TBX2: variants seen among roughly 807,000 people sequenced by gnomAD.
The protein encoded by TBX2 is T-box transcription factor TBX2.
In TBX2, 19 loss-of-function variants were observed where a neutral mutation model predicts 48.4. That is an observed-to-expected ratio of 0.39 (90% CI 0.27 to 0.58). TBX2 has a LOEUF of 0.58. Ranked by LOEUF, TBX2 falls within the 20% of genes least tolerant of loss-of-function variation. The probability of loss-of-function intolerance (pLI) is 0.54; values close to 1 mark genes in which losing one functional copy is unlikely to be tolerated. For synonymous variants in TBX2, 522 were observed against 459.7 expected (o/e 1.14, Z -1.73); for missense variants, 994 against 1,006.5 (o/e 0.99, Z 0.17).
At position 61,406,535 on chromosome 17, in the gene TBX2, G is replaced by A. The variant is rs868548247; in HGVS notation, c.1686+699G>A. Reference sequence around the variant, plus strand: ...TGGCTGGGGCACAGTAAGGAGATCCGATGGGGACAGTGGCCTCTTTGGTTG... The same window carrying A: ...TGGCTGGGGCACAGTAAGGAGATCCAATGGGGACAGTGGCCTCTTTGGTTG... On this transcript the variant is annotated intron_variant, in intron 6 of 6. Coordinates refer to ENST00000240328, the MANE Select transcript of TBX2 (RefSeq NM_005994.4). This position sits in a 1 kb window ranked among gnomAD's most constrained non-coding sequence, Gnocchi z 5.7. 2.6e-5 allele frequency: 4 copies of A among 152,192 alleles called. No individual in the cohort carries two copies. The highest frequency in any genetic ancestry group is 7.2e-5 in the African/African-American group (3 of 41,424). 9.4% of individuals were successfully genotyped at this position (152,192 alleles called of 1,614,324 possible). A position where few individuals can be genotyped will look rare whatever the true frequency, so the allele number is the denominator to read the frequency against.
chr17:61,401,697 C>T lies in TBX2; in HGVS notation c.409C>T (p.Pro137Ser), dbSNP rs778364019. The T allele has an allele frequency of 3.1e-6, 5 of 1,612,128 alleles. No individual in the cohort carries two copies. In the African/African-American group the frequency reaches 4.0e-5, roughly 13 times the overall value. Reference protein sequence around the residue: ...ITKSGRRMFPPFKVRVSGLDK... With the variant: ...ITKSGRRMFPSFKVRVSGLDK... ...CCTCCCTCCCAGGCGGATGTTCCCC[C>T]CCTTCAAGGTGCGAGTCAGCGGCCT... The change falls in exon 2 of 7, where the codon CCC becomes TCC. Residue 137 changes from proline (P) to serine (S), a missense_variant. Pro to Ser is a moderately conservative substitution (Grantham distance 74, BLOSUM62 -1). Transcript: ENST00000240328.
Position 61,400,096 on chromosome 17 carries a change from C to A in TBX2, c.-81C>A. On this transcript the variant is annotated 5_prime_UTR_variant, in exon 1 of 7. Transcript: ENST00000240328. The surrounding 1 kb of genome is among the most constrained non-coding windows in gnomAD (Gnocchi z 9.2). Reference sequence around the variant, plus strand: ...ACCCGGGTCGTCCGTCCACCGCGCGCGCCGCCGCCCGGGCCGGGGGTCCGA... The same window carrying A: ...ACCCGGGTCGTCCGTCCACCGCGCGAGCCGCCGCCCGGGCCGGGGGTCCGA... 2.5e-6 allele frequency: 2 copies of A among 800,942 alleles called. No individual in the cohort carries two copies. Among genetic ancestry groups the A allele is most frequent in the Non-Finnish European group, 3.0e-6 (2 of 664,042 alleles). 49.6% of individuals were successfully genotyped at this position (800,942 alleles called of 1,614,324 possible). A position where few individuals can be genotyped will look rare whatever the true frequency, so the allele number is the denominator to read the frequency against.
At chr17:61,402,045 G>A in intron 2 of TBX2, 94 bp downstream of exon 2, 1 of 1,490,286 alleles carries the variant, frequency 6.7e-7, no homozygotes, top group Non-Finnish European at 8.9e-7. Context: ...CTCCCAGGGG[G>A]AAGCGCTGGG....
At chr17:61,405,132 C>G (rs2060282568) in intron 5 of TBX2, 70 bp from the exon 6 acceptor site, 17 of 1,484,490 alleles carry the variant, frequency 1.1e-5, no homozygotes, top group Admixed American at 4.4e-5. Context: ...GCAGCCCTTC[C>G]CGAGTGTCCC....
rs541103803 is a variant in TBX2, at chr17:61,403,312, G to T, written c.810+105G>T. The stretch of plus-strand genomic sequence containing the variant: ...CCTCGAAGCCCCCTGCACGGGATCC[G>T]CGCTCTTGCGGCCCGCCCCCGAGCA... On this transcript the variant is annotated intron_variant, in intron 3 of 6. Transcript: ENST00000240328. This position sits in a 1 kb window ranked among gnomAD's most constrained non-coding sequence, Gnocchi z 5.8. The T allele has an allele frequency of 1.3e-6, 2 of 1,511,134 alleles. No individual in the cohort carries two copies. The highest frequency in any genetic ancestry group is 4.9e-5 in the East Asian group (2 of 40,962). 93.6% of individuals were successfully genotyped at this position (1,511,134 alleles called of 1,614,324 possible).
At position 61,404,689 on chromosome 17, in the gene TBX2, C is replaced by G. The variant is rs371433791; in HGVS notation, c.971C>G (p.Ser324Trp). Residue 324 changes from serine to tryptophan, a missense_variant, in exon 5 of 7, where the codon TCG becomes TGG. Ser to Trp is a radical substitution (Grantham distance 177). Transcript: ENST00000240328. ...GATGGCGCGGAGTCAGACGCCTCGT[C>G]GTGCGACCCTCCCCCCGCGCGGGAA... ...ERDGAESDAS[S>W]CDPPPAREPP... 5 of 1,579,070 alleles carry G rather than the reference C, an allele frequency of 3.2e-6. No individual in the cohort carries two copies. Among genetic ancestry groups the G allele is most frequent in the Non-Finnish European group, 3.4e-6 (4 of 1,162,868 alleles).
rs1343020157 is a variant in TBX2 at position 61,404,913 on chromosome 17, G to A, written c.1051+144G>A. On this transcript the variant is annotated intron_variant, in intron 5 of 6. Coordinates refer to ENST00000240328, the MANE Select transcript of TBX2 (RefSeq NM_005994.4). ...GTGTCTGGGATGGGGTTTCCGTCCC[G>A]GGACTCCCCTACGAGGGCGGTCCCC... The A allele has an allele frequency of 4.5e-6, 6 of 1,328,558 alleles. No homozygotes were observed. The African/African-American group carries it at 5.8e-5, about 13-fold the overall frequency. The allele number at this position is 1,328,558 out of a possible 1,614,324, so 82.3% of individuals were successfully genotyped here. A position where few individuals can be genotyped will look rare whatever the true frequency, so the allele number is the denominator to read the frequency against.
intron 2 of TBX2, 32 bp downstream of exon 2, chr17:61,401,983 G>A (rs772083900): frequency 7.7e-6 from 12 of 1,554,836 alleles, no homozygotes; most frequent in Non-Finnish European, 1.0e-5. Context: ...GGACGGTGCA[G>A]GAGCTTGTTG....
chr17:61,401,703 A>C lies in TBX2; in HGVS notation c.415A>C (p.Lys139Gln), dbSNP rs1450119103. 6.2e-6 allele frequency: 10 copies of C among 1,612,208 alleles called. No individual in the cohort carries two copies. The highest frequency in any genetic ancestry group is 2.7e-5 in the African/African-American group (2 of 74,862). The change falls in exon 2 of 7, where the codon AAG (lysine) becomes CAG (glutamine). Residue 139 changes from lysine to glutamine, a missense_variant. Physicochemically the swap from Lys to Gln is moderately conservative, Grantham distance 53 (BLOSUM62 1). This residue lies in a region of TBX2 where 153 missense variants were observed against 166.2 expected (regional missense o/e 0.92). Transcript: ENST00000240328. ...TCCCAGGCGGATGTTCCCCCCCTTC[A>C]AGGTGCGAGTCAGCGGCCTGGACAA... ...KSGRRMFPPF[K>Q]VRVSGLDKKA...
Position 61,408,079 on chromosome 17 carries a change from G to C in TBX2, c.1712G>C (p.Gly571Ala), listed in dbSNP as rs149083072. Residue 571 changes from glycine to alanine, a missense_variant, in exon 7 of 7, where the codon GGC becomes GCC. This residue lies in a region of TBX2 where 639 missense variants were observed against 613.2 expected (regional missense o/e 1.04). Transcript: ENST00000240328. ...SQGIPMPTFG[G>A]LFPYPYTYMA... is the part of the protein sequence containing the mutation. The stretch of plus-strand genomic sequence containing the variant: ...GGAATTCCAATGCCCACTTTCGGAG[G>C]CCTCTTCCCCTACCCCTACACCTAC... 5.9e-4 allele frequency: 934 copies of C among 1,593,758 alleles called. 5 individuals carry two copies. In the African/African-American group the frequency reaches 0.012, roughly 20 times the overall value.
At position 61,400,153 on chromosome 17, in the gene TBX2, C is replaced by T. The variant is rs1424788799; in HGVS notation, c.-24C>T. On this transcript the variant is annotated 5_prime_UTR_variant, in exon 1 of 7. Coordinates refer to ENST00000240328, the MANE Select transcript of TBX2 (RefSeq NM_005994.4). The surrounding 1 kb of genome is among the most constrained non-coding windows in gnomAD (Gnocchi z 9.2). ...CGCCCCCGGCCCCGGCCCCGGCCCC[C>T]GGGCGCCTGGGCCGGATGTCCCGAT... The T allele has an allele frequency of 1.6e-5, 16 of 1,004,162 alleles. No homozygotes were observed. The highest frequency in any genetic ancestry group is 1.8e-5 in the Non-Finnish European group (15 of 840,936). 62.2% of individuals were successfully genotyped at this position (1,004,162 alleles called of 1,614,324 possible). A position where few individuals can be genotyped will look rare whatever the true frequency, so the allele number is the denominator to read the frequency against.
At position 61,400,243 on chromosome 17, in the gene TBX2, G is replaced by T. The variant is rs2060258422; in HGVS notation, c.67G>T (p.Asp23Tyr). The change falls in exon 1 of 7, where the codon GAC (aspartate) becomes TAC (tyrosine). Residue 23 changes from aspartate (D) to tyrosine (Y), a missense_variant. Asp to Tyr is a radical substitution (Grantham distance 160). Coordinates refer to ENST00000240328, the MANE Select transcript of TBX2 (RefSeq NM_005994.4). The surrounding 1 kb of genome is among the most constrained non-coding windows in gnomAD (Gnocchi z 9.2). ...CCCGTTCCACGCGCCACGGCCCGCC[G>T]ACTTCCCCATGTCCGCCTTTCTGGC... The part of the protein sequence containing the change: ...YHPFHAPRPA[D>Y]FPMSAFLAAA... 2 of 1,214,332 alleles carry T rather than the reference G, an allele frequency of 1.6e-6. No individual in the cohort carries two copies. The highest frequency in any genetic ancestry group is 1.1e-6 in the Non-Finnish European group (1 of 951,814). The allele number at this position is 1,214,332 out of a possible 1,614,324, so 75.2% of individuals were successfully genotyped here. A position where few individuals can be genotyped will look rare whatever the true frequency, so the allele number is the denominator to read the frequency against.
Position 61,405,836 on chromosome 17 carries a change from G to C in TBX2, c.1686G>C (p.Gln562His). Reference protein sequence around the residue: ...FHLSQHMLASQGIPMPTFGGL... With the variant: ...FHLSQHMLASHGIPMPTFGGL... ...TCTCCCAGCACATGCTGGCATCTCA[G>C]GTAAGGCCTGTGACCCCGCGGCAGC... The change falls in exon 6 of 7, where the codon CAG (glutamine) becomes CAC (histidine). Residue 562 changes from glutamine to histidine, a missense_variant and splice_region_variant. Gln to His is a conservative substitution (Grantham distance 24, BLOSUM62 0). Coordinates refer to ENST00000240328, the MANE Select transcript of TBX2 (RefSeq NM_005994.4). 1 of 1,310,118 alleles carries C rather than the reference G, an allele frequency of 7.6e-7. No individual in the cohort carries two copies. Among genetic ancestry groups the C allele is most frequent in the Non-Finnish European group, 9.7e-7 (1 of 1,035,964 alleles). The allele number at this position is 1,310,118 out of a possible 1,614,324, so 81.2% of individuals were successfully genotyped here. A position where few individuals can be genotyped will look rare whatever the true frequency, so the allele number is the denominator to read the frequency against.
chr17:61,408,072 T>G lies in TBX2; in HGVS notation c.1705T>G (p.Phe569Val). The G allele has an allele frequency of 6.3e-7, 1 of 1,589,424 alleles. No individual in the cohort carries two copies. Among genetic ancestry groups the G allele is most frequent in the South Asian group, 1.1e-5 (1 of 88,254 alleles). The stretch of plus-strand genomic sequence containing the variant: ...CTTCCAGGGAATTCCAATGCCCACT[T>G]TCGGAGGCCTCTTCCCCTACCCCTA... The part of the protein sequence containing the change: ...LASQGIPMPT[F>V]GGLFPYPYTY... Residue 569 changes from phenylalanine (F) to valine (V), a missense_variant, in exon 7 of 7, where the codon TTC (phenylalanine) becomes GTC (valine). Physicochemically the swap from Phe to Val is conservative, Grantham distance 50 (BLOSUM62 -1). Around this residue, in one of 5 missense-constraint regions of TBX2, gnomAD observed 639 missense variants for 613.2 expected, o/e 1.04. Transcript: ENST00000240328.
rs2060282908 is a variant in TBX2 at position 61,405,195 on chromosome 17, C to T, written c.1052-7C>T. ...GCCCCTGTAATCCGCGCGCCCTCTC[C>T]CCGCAGCTGAGGAGAAGTCGTGCGC... On this transcript the variant is annotated splice_polypyrimidine_tract_variant and splice_region_variant and intron_variant, in intron 5 of 6. Transcript: ENST00000240328. 2 of 1,504,150 alleles carry T rather than the reference C, an allele frequency of 1.3e-6. No individual in the cohort carries two copies. The highest frequency in any genetic ancestry group is 1.7e-4 in the Middle Eastern group (1 of 5,778). The allele number at this position is 1,504,150 out of a possible 1,614,324, so 93.2% of individuals were successfully genotyped here.
At position 61,403,586 on chromosome 17, in the gene TBX2, G is replaced by C; in HGVS notation, c.810+379G>C. On this transcript the variant is annotated intron_variant, in intron 3 of 6. Coordinates refer to ENST00000240328, the MANE Select transcript of TBX2 (RefSeq NM_005994.4). The surrounding 1 kb of genome is among the most constrained non-coding windows in gnomAD (Gnocchi z 5.8). Reference sequence around the variant, plus strand: ...AGGGCGCCCGAGGCAATCTGCCCAGGCTCTACCGATGCTCAGAACCCGGGG... The same window carrying C: ...AGGGCGCCCGAGGCAATCTGCCCAGCCTCTACCGATGCTCAGAACCCGGGG... 6.6e-6 allele frequency among the ~76,000 whole-genome samples: 1 copy of C among 152,006 alleles called. No individual in the cohort carries two copies. The highest frequency in any genetic ancestry group is 2.4e-5 in the African/African-American group (1 of 41,384).
In TBX2 at chr17:61,403,140, G is replaced by A. The variant is rs1167768748; in HGVS notation, c.743G>A (p.Ser248Asn). ...RANDILKLPY[S>N]TFRTYVFPET... ...AACGACATCCTGAAGCTGCCTTACA[G>A]CACCTTCCGCACCTACGTGTTCCCG... is the stretch of plus-strand genomic sequence containing the variant. Residue 248 changes from serine (S) to asparagine (N), a missense_variant, in exon 3 of 7, where the codon AGC (serine) becomes AAC (asparagine). By Grantham distance (46) the Ser-to-Asn change is conservative. This residue lies in a region of TBX2 where 153 missense variants were observed against 166.2 expected (regional missense o/e 0.92). Coordinates refer to ENST00000240328, the MANE Select transcript of TBX2 (RefSeq NM_005994.4). This position sits in a 1 kb window ranked among gnomAD's most constrained non-coding sequence, Gnocchi z 5.8. 1.2e-6 allele frequency: 2 copies of A among 1,613,608 alleles called. No homozygotes were observed. Among genetic ancestry groups the A allele is most frequent in the African/African-American group, 1.3e-5 (1 of 74,922 alleles).
Position 61,401,717 on chromosome 17 carries a change from C to A in TBX2, c.429C>A (p.Ser143Arg), listed in dbSNP as rs147490001. The A allele has an allele frequency of 1.2e-6, 2 of 1,612,702 alleles. No homozygotes were observed. The highest frequency in any genetic ancestry group is 1.1e-5 in the South Asian group (1 of 91,056). Residue 143 changes from serine (S) to arginine (R), a missense_variant, in exon 2 of 7, where the codon AGC (serine) becomes AGA (arginine). Ser to Arg is a moderately radical substitution (Grantham distance 110). Coordinates refer to ENST00000240328, the MANE Select transcript of TBX2 (RefSeq NM_005994.4). ...RMFPPFKVRVSGLDKKAKYIL... is the reference protein window; with the variant it reads ...RMFPPFKVRVRGLDKKAKYIL... The stretch of plus-strand genomic sequence containing the variant: ...TCCCCCCCTTCAAGGTGCGAGTCAG[C>A]GGCCTGGACAAGAAGGCCAAGTATA...
chr17:61,406,837 C>T lies in TBX2; in HGVS notation c.1686+1001C>T, dbSNP rs1276893099. The T allele has an allele frequency of 1.3e-5, 2 of 152,178 alleles. No homozygotes were observed. The highest frequency in any genetic ancestry group is 2.9e-5 in the Non-Finnish European group (2 of 68,052). 9.4% of individuals were successfully genotyped at this position (152,178 alleles called of 1,614,324 possible). A position where few individuals can be genotyped will look rare whatever the true frequency, so the allele number is the denominator to read the frequency against. On this transcript the variant is annotated intron_variant, in intron 6 of 6. Coordinates refer to ENST00000240328, the MANE Select transcript of TBX2 (RefSeq NM_005994.4). The surrounding 1 kb of genome is among the most constrained non-coding windows in gnomAD (Gnocchi z 5.7). The stretch of plus-strand genomic sequence containing the variant: ...GAGTGTTTGAGGTATCACCATCACT[C>T]ATCTGGGGCTCTGGGCTGGAAGGGA...
Sources: gnomAD v4.1 joint callset for allele counts (sites outside exome capture counted in the v4.1 genomes callset) on GRCh38, gnomAD v4.1.1 for gene constraint, gnomAD v4.1.1 regional missense constraint, Gnocchi (gnomAD v3.1) non-coding constraint, MANE v1.5 for transcripts, NCBI Gene and HGNC (gene_info 2026-07-23, HGNC 2026-07-21) for gene names.